Variants in NRXN3 observed in about 807,000 individuals in gnomAD.
NRXN3 encodes neurexin 3, also known as neurexin III.
Under a neutral mutation model 137.6 loss-of-function variants are expected in NRXN3, and 32 were observed. That is an observed-to-expected ratio of 0.23 (90% CI 0.18 to 0.31). The LOEUF is 0.31. Ranked by LOEUF, NRXN3 falls within the 10% of genes least tolerant of loss-of-function variation. The pLI is 1.00. For missense variants in NRXN3, 1,574 were observed against 2,062.5 expected (o/e 0.76, Z 4.59); for synonymous variants, 798 against 784.5 (o/e 1.02, Z -0.29).
chr14:78,810,353 TC>T lies in NRXN3; in HGVS notation c.2275+12del. 7.0e-7 allele frequency: 1 copy of T among 1,424,800 alleles called. No homozygotes were observed. 88.3% of individuals were successfully genotyped at this position (1,424,800 alleles called of 1,614,324 possible). A position where few individuals can be genotyped will look rare whatever the true frequency, so the allele number is the denominator to read the frequency against. On this transcript the variant is annotated intron_variant, in intron 10 of 20. Transcript: ENST00000335750. ...GATAAACTGTAACTCCAGTAAGTTTTCCCTCAAGTTTCATTTTGTTCTTTAA... is the reference window on the plus strand; with the variant it reads ...GATAAACTGTAACTCCAGTAAGTTTTCCTCAAGTTTCATTTTGTTCTTTAA...
intron 19 of NRXN3, among the ~76,000 whole-genome samples, chr14:79,712,660 C>G (rs1384006658): frequency 1.3e-5 from 2 of 150,680 alleles, no homozygotes; most frequent in African/African-American, 2.4e-5. Flanking sequence ...TTTCTAGCCA[C>G]CCATCAGTGC....
intron 8 of NRXN3, among the ~76,000 whole-genome samples, chr14:78,765,511 C>T (rs1034486444): frequency 3.9e-5 from 6 of 152,030 alleles, no homozygotes; most frequent in African/African-American, 1.2e-4. Context: ...TTGGAAGCTA[C>T]CTTTCACAGG....
At chr14:78,288,226 C>A (rs1005225707) in intron 3 of NRXN3, among the ~76,000 whole-genome samples, 1 of 152,120 alleles carries the variant, frequency 6.6e-6, no homozygotes, top group Non-Finnish European at 1.5e-5. Flanking sequence ...GTGATCCACC[C>A]GCCTCGGCTT....
At chr14:79,609,657 A>G (rs2098073985) in intron 16 of NRXN3, among the ~76,000 whole-genome samples, 1 of 152,218 alleles carries the variant, frequency 6.6e-6, no homozygotes, top group Non-Finnish European at 1.5e-5. Flanking sequence ...AGTAAAATGT[A>G]CAATTTTTCC....
At chr14:79,567,914 T>C (rs2097565126) in intron 16 of NRXN3, among the ~76,000 whole-genome samples, 1 of 152,110 alleles carries the variant, frequency 6.6e-6, no homozygotes, top group Non-Finnish European at 1.5e-5. Flanking sequence ...GGGTTTTCAG[T>C]GTCTTCAAAA....
intron 16 of NRXN3, among the ~76,000 whole-genome samples, chr14:79,612,701 A>C (rs2098117429): frequency 6.6e-6 from 1 of 152,072 alleles, no homozygotes; most frequent in Admixed American, 6.5e-5. Context: ...AAATTTTACA[A>C]TTAGTCTAGT....
chr14:78,410,282 A>G (rs1298194135), intron 4 of NRXN3, among the ~76,000 whole-genome samples: 2 of 152,308 alleles, frequency 1.3e-5, no homozygotes, highest in Admixed American at 6.5e-5. Flanking sequence ...GACATCTTCA[A>G]TGGAAGCTTC....
rs532804958 is a variant in NRXN3 at position 78,839,128 on chromosome 14, T to G, written c.2275+28784T>G. Among the ~76,000 whole-genome samples the G allele has an allele frequency of 4.6e-5, 7 of 152,234 alleles. No homozygotes were observed. The South Asian group carries it at 1.5e-3, about 32-fold the overall frequency. Reference sequence around the variant, plus strand: ...TAACAACTTGACTTCATAAGAGCCATAAGGGGAAATTTTAAATTGTGTGAA... The same window carrying G: ...TAACAACTTGACTTCATAAGAGCCAGAAGGGGAAATTTTAAATTGTGTGAA... On this transcript the variant is annotated intron_variant, in intron 10 of 20. Transcript: ENST00000335750.
At chr14:78,346,673 T>C (rs1261090860) in intron 4 of NRXN3, among the ~76,000 whole-genome samples, 2 of 152,202 alleles carry the variant, frequency 1.3e-5, no homozygotes, top group Non-Finnish European at 2.9e-5. Flanking sequence ...CTTGCACTGT[T>C]ACTGCACTGT....
At chr14:78,916,757 G>A (rs2099256466) in intron 10 of NRXN3, among the ~76,000 whole-genome samples, 2 of 152,210 alleles carry the variant, frequency 1.3e-5, no homozygotes, top group South Asian at 4.1e-4. Flanking sequence ...CCTGGACTGG[G>A]TGACTTAAAC....
intron 20 of NRXN3, among the ~76,000 whole-genome samples, chr14:79,810,919 A>G (rs2099230088): frequency 6.6e-6 from 1 of 152,226 alleles, no homozygotes; most frequent in African/African-American, 2.4e-5. Flanking sequence ...TGTTGGCCTT[A>G]AATATGATGT....
intron 8 of NRXN3, among the ~76,000 whole-genome samples, chr14:78,766,494 G>A (rs984843091): frequency 2.6e-5 from 4 of 152,146 alleles, no homozygotes; most frequent in East Asian, 1.9e-4. Context: ...TTTGCAGCTC[G>A]AGGTCTATGT....
chr14:79,030,178 G>A (rs193281705), intron 15 of NRXN3, among the ~76,000 whole-genome samples: 65 of 151,300 alleles, frequency 4.3e-4, no homozygotes, highest in African/African-American at 1.6e-3. Context: ...ACCACGCCTG[G>A]CCCATTATAG....
chr14:78,685,387 A>G (rs538319626), intron 6 of NRXN3, among the ~76,000 whole-genome samples: 1 of 152,194 alleles, frequency 6.6e-6, no homozygotes, highest in South Asian at 2.1e-4. Context: ...CTCAAGTTCT[A>G]AAAGGCCTAT....
At chr14:79,638,308 G>T (rs1266990920) in intron 16 of NRXN3, among the ~76,000 whole-genome samples, 1 of 152,088 alleles carries the variant, frequency 6.6e-6, no homozygotes, top group Non-Finnish European at 1.5e-5. Context: ...TTTGAACTAG[G>T]ATTTATGAAA....
chr14:79,664,826 T>C (rs151160661), intron 17 of NRXN3, among the ~76,000 whole-genome samples: 4 of 152,114 alleles, frequency 2.6e-5, no homozygotes, highest in Admixed American at 6.6e-5. Context: ...TGTCATCTGA[T>C]GGATGCAAGA....
intron 4 of NRXN3, among the ~76,000 whole-genome samples, chr14:78,480,193 A>G (rs1251210107): frequency 6.6e-6 from 1 of 152,162 alleles, no homozygotes; most frequent in African/African-American, 2.4e-5. Flanking sequence ...AAGCTTCGTC[A>G]TGGGGCTTAT....
intron 8 of NRXN3, among the ~76,000 whole-genome samples, chr14:78,759,121 G>T (rs1243361105): frequency 6.6e-6 from 1 of 152,200 alleles, no homozygotes. Flanking sequence ...CGGACCAGAT[G>T]TTAGGCACTT....
chr14:79,740,743 T>TATATATATATAA (rs2098959935), intron 19 of NRXN3, among the ~76,000 whole-genome samples: 16 of 48,266 alleles, frequency 3.3e-4, no homozygotes, highest in South Asian at 8.0e-4. Flanking sequence ...TATATATATA[T>TATATATATATAA]ATATATATAT....
Sources: allele counts gnomAD v4.1 joint callset (sites outside exome capture counted in the v4.1 genomes callset), GRCh38; gene constraint gnomAD v4.1.1; transcripts MANE v1.5; gene names NCBI Gene and HGNC (gene_info 2026-07-23, HGNC 2026-07-21).